PACRG: variants seen among roughly 807,000 people sequenced by gnomAD.
PACRG encodes the protein parkin coregulated gene protein.
A neutral mutation model predicts 29.7 loss-of-function variants in PACRG; 29 were observed. That is an observed-to-expected ratio of 0.98 (90% CI 0.73 to 1.33). PACRG has a LOEUF of 1.33. PACRG is among the 40% of genes most tolerant of loss of function. PACRG has a pLI of 0.00. For synonymous variants in PACRG, 116 were observed against 118.7 expected (o/e 0.98, Z 0.15); for missense variants, 279 against 316.2 (o/e 0.88, Z 0.89).
At position 163,269,750 on chromosome 6, in the gene PACRG, A is replaced by AAGAG. The variant is rs781619961; in HGVS notation, c.614-45065_614-45062dup. On this transcript the variant is annotated intron_variant, in intron 4 of 4. Transcript: ENST00000366888. The stretch of plus-strand genomic sequence containing the variant: ...AATACCACTGAGGGGGAAAAGAAGA[A>AAGAG]AGAGAGAGAGAGAGACAGACAGACA... Among the ~76,000 whole-genome samples, 39 of 82,446 alleles carry AAGAG rather than the reference A, an allele frequency of 4.7e-4. 3 individuals are homozygous for AAGAG. In the South Asian group the frequency reaches 0.013, roughly 28 times the overall value. The allele number at this position is 82,446 out of a possible 152,430, so 54.1% of individuals were successfully genotyped here.
intron 2 of PACRG, among the ~76,000 whole-genome samples, chr6:163,006,641 T>C (rs1429856346): frequency 6.6e-6 from 1 of 152,004 alleles, no homozygotes; most frequent in Non-Finnish European, 1.5e-5. Context: ...CATAACTCTT[T>C]AGAATTATTA....
chr6:162,727,338 A>AAGGTGAGGGGCGGCGGCGGGGCGC, upstream of PACRG: 3 of 378,498 alleles, frequency 7.9e-6, no homozygotes, highest in East Asian at 4.8e-5. Flanking sequence ...CGGCGGGGAG[A>AAGGTGAGGGGCGGCGGCGGGGCGC]AGGCTTCGGG....
intron 2 of PACRG, among the ~76,000 whole-genome samples, chr6:163,038,774 G>A (rs975165852): frequency 6.6e-6 from 1 of 152,182 alleles, no homozygotes; most frequent in Non-Finnish European, 1.5e-5. Context: ...TGCTGTTACA[G>A]AGGGTTTAAT....
At chr6:163,035,099 C>G (rs1808038393) in intron 2 of PACRG, among the ~76,000 whole-genome samples, 1 of 152,172 alleles carries the variant, frequency 6.6e-6, no homozygotes, top group Non-Finnish European at 1.5e-5. Context: ...AGAGGTCACT[C>G]TCATCGCCAT....
intron 2 of PACRG, among the ~76,000 whole-genome samples, chr6:163,047,456 C>G (rs1809512978): frequency 6.6e-6 from 1 of 152,098 alleles, no homozygotes; most frequent in Non-Finnish European, 1.5e-5. Context: ...ATGTTAGAAG[C>G]TATGAAACAA....
chr6:163,045,107 A>G (rs2764003), intron 2 of PACRG, among the ~76,000 whole-genome samples: 89,121 of 151,912 alleles, frequency 0.59, 28,439 homozygotes, highest in East Asian at 0.96. Flanking sequence ...TCTGTTGCCC[A>G]TCTTTTGGTG....
chr6:163,063,788 A>G (rs1411736186), intron 3 of PACRG, among the ~76,000 whole-genome samples: 1 of 152,146 alleles, frequency 6.6e-6, no homozygotes, highest in Non-Finnish European at 1.5e-5. Flanking sequence ...AGACTCTGAA[A>G]AGGGGCTTAT....
At chr6:163,239,880 A>T (rs1169773459) in intron 4 of PACRG, among the ~76,000 whole-genome samples, 1 of 135,686 alleles carries the variant, frequency 7.4e-6, no homozygotes, top group African/African-American at 2.9e-5. Context: ...ACATACACAC[A>T]CTCTGACACA....
At chr6:162,753,501 T>G (rs951073500) in intron 1 of PACRG, among the ~76,000 whole-genome samples, 3 of 152,218 alleles carry the variant, frequency 2.0e-5, no homozygotes, top group Admixed American at 2.0e-4. Flanking sequence ...CATTTGTCCA[T>G]TGATGAACAC....
At chr6:162,879,805 G>A (rs1172090778) in intron 2 of PACRG, among the ~76,000 whole-genome samples, 2 of 152,186 alleles carry the variant, frequency 1.3e-5, no homozygotes, top group Non-Finnish European at 2.9e-5. Flanking sequence ...GCTGTCCAGT[G>A]AATTCAAGAG....
chr6:163,161,137 G>A (rs1431514086), intron 4 of PACRG, among the ~76,000 whole-genome samples: 1 of 151,722 alleles, frequency 6.6e-6, no homozygotes, highest in African/African-American at 2.4e-5. Context: ...CGTATACTTG[G>A]CTCTCTGTTA....
chr6:162,735,146 C>T (rs570302630), intron 1 of PACRG, among the ~76,000 whole-genome samples: 4 of 152,274 alleles, frequency 2.6e-5, no homozygotes, highest in Admixed American at 6.5e-5. Flanking sequence ...ATCGCTTCCT[C>T]GATGGGTATT....
intron 2 of PACRG, among the ~76,000 whole-genome samples, chr6:163,026,694 G>C (rs879823877): frequency 1.3e-5 from 2 of 152,206 alleles, no homozygotes; most frequent in African/African-American, 2.4e-5. Flanking sequence ...CCTTGAGGGA[G>C]GGATTATGCC....
intron 2 of PACRG, among the ~76,000 whole-genome samples, chr6:162,960,269 G>T (rs1800500060): frequency 6.6e-6 from 1 of 152,176 alleles, no homozygotes. Context: ...TATACCGAAA[G>T]GAAAATAGAT....
At chr6:162,982,047 T>C (rs576262729) in intron 2 of PACRG, among the ~76,000 whole-genome samples, 9 of 152,022 alleles carry the variant, frequency 5.9e-5, no homozygotes, top group African/African-American at 1.4e-4. Flanking sequence ...CAGGAATTTA[T>C]CTATCTCCTC....
chr6:163,281,390 A>T (rs1784223192), intron 4 of PACRG, among the ~76,000 whole-genome samples: 1 of 152,144 alleles, frequency 6.6e-6, no homozygotes, highest in Non-Finnish European at 1.5e-5. Flanking sequence ...TCTGCATGGG[A>T]TGGAAGTGGG....
At chr6:162,914,611 A>AT (rs1796578541) in intron 2 of PACRG, among the ~76,000 whole-genome samples, 1 of 150,578 alleles carries the variant, frequency 6.6e-6, no homozygotes, top group Non-Finnish European at 1.5e-5. Flanking sequence ...AAAAAAAAAA[A>AT]AACCTGCTGG....
intron 1 of PACRG, among the ~76,000 whole-genome samples, chr6:162,811,080 T>C (rs893892177): frequency 3.3e-5 from 5 of 152,154 alleles, no homozygotes; most frequent in African/African-American, 9.7e-5. Flanking sequence ...GAAAGCAATG[T>C]GAATGAGAGT....
intron 4 of PACRG, among the ~76,000 whole-genome samples, chr6:163,115,991 C>G (rs1036246880): frequency 3.9e-5 from 6 of 152,200 alleles, no homozygotes; most frequent in Non-Finnish European, 7.3e-5. Context: ...GGACCTTAAT[C>G]CCTGCTTGCC....
Sources: gnomAD v4.1 joint callset for allele counts (sites outside exome capture counted in the v4.1 genomes callset) on GRCh38, gnomAD v4.1.1 for gene constraint, MANE v1.5 for transcripts, NCBI Gene and HGNC (gene_info 2026-07-23, HGNC 2026-07-21) for gene names.